LAMC3: variants seen among roughly 807,000 people sequenced by gnomAD.
LAMC3 encodes laminin subunit gamma-3.
Under a neutral mutation model 173.8 loss-of-function variants are expected in LAMC3, and 128 were observed. The ratio of observed to expected loss-of-function variants is 0.74; its 90% CI spans 0.64 to 0.85. The LOEUF is 0.85. Among genes scored for constraint, LAMC3 ranks in the 40% least tolerant of loss-of-function variants. The pLI is 0.00. For synonymous variants in LAMC3, 897 were observed against 909.1 expected (o/e 0.99, Z 0.24); for missense variants, 2,022 against 2,156.0 (o/e 0.94, Z 1.23).
rs1244561734 is a variant in LAMC3 at position 131,075,953 on chromosome 9, A to G, written c.3617A>G (p.Asp1206Gly). 6.2e-7 allele frequency: 1 copy of G among 1,608,422 alleles called. No individual in the cohort carries two copies. The highest frequency in any genetic ancestry group is 1.7e-5 in the Admixed American group (1 of 59,798). The change falls in exon 21 of 28, where the codon GAC becomes GGC. Residue 1206 changes from aspartate to glycine, a missense_variant. Transcript: ENST00000361069. ...EGRVALETQR[D>G]LEDRYQEVQA... ...AGGGTGGCCCTAGAGACCCAGCGGG[A>G]CCTGGAGGACAGGTGAGGCCTCCCC... is the stretch of plus-strand genomic sequence containing the variant.
intron 11 of LAMC3, among the ~76,000 whole-genome samples, chr9:131,055,874 C>T (rs1162550379): frequency 3.9e-5 from 6 of 151,994 alleles, no homozygotes; most frequent in Admixed American, 3.9e-4. Flanking sequence ...AATCCTGTTA[C>T]ATTCATTAGT....
rs1347877753 is a variant in LAMC3, at chr9:131,093,075, C to T, written c.*1288C>T. 1.3e-5 allele frequency: 2 copies of T among 152,352 alleles called. No homozygotes were observed. The highest frequency in any genetic ancestry group is 2.4e-5 in the African/African-American group (1 of 41,444). The allele number at this position is 152,352 out of a possible 1,614,324, so 9.4% of individuals were successfully genotyped here. A position where few individuals can be genotyped will look rare whatever the true frequency, so the allele number is the denominator to read the frequency against. ...TTTCACTGGGCAGGGTGGTGTGCCT[C>T]ACCCTCCCCGGCTGGTGGGCAGCCA... is the stretch of plus-strand genomic sequence containing the variant. On this transcript the variant is annotated 3_prime_UTR_variant, in exon 28 of 28. Coordinates refer to ENST00000361069, the MANE Select transcript of LAMC3 (RefSeq NM_006059.4).
intron 13 of LAMC3, among the ~76,000 whole-genome samples, chr9:131,063,681 G>A (rs902337080): frequency 6.6e-6 from 1 of 152,176 alleles, no homozygotes; most frequent in Admixed American, 6.5e-5. Context: ...TTCCAGAGCT[G>A]CCTCCTGCCC....
intron 13 of LAMC3, among the ~76,000 whole-genome samples, chr9:131,066,152 G>A (rs540477312): frequency 6.7e-5 from 10 of 148,174 alleles, no homozygotes; most frequent in East Asian, 2.0e-4. Flanking sequence ...CCGAAATTGC[G>A]CCCCTGCACT....
chr9:131,019,908 C>T (rs1222035096), intron 1 of LAMC3, among the ~76,000 whole-genome samples: 19 of 152,014 alleles, frequency 1.2e-4, no homozygotes, highest in Admixed American at 5.9e-4. Context: ...GCACCGCCCA[C>T]GCCAAACAGC....
At chr9:131,022,854 A>G (rs746119032) in intron 1 of LAMC3, among the ~76,000 whole-genome samples, 18 of 152,176 alleles carry the variant, frequency 1.2e-4, no homozygotes, top group Non-Finnish European at 2.5e-4. Context: ...CTGGGATGAC[A>G]GGTGTGAGCC....
chr9:131,068,042 A>G lies in LAMC3; in HGVS notation c.2594-36A>G, dbSNP rs531271904. On this transcript the variant is annotated intron_variant, in intron 14 of 27. Transcript: ENST00000361069. ...CCCAAAGTTGGAACAGACAATCTGC[A>G]TTGTTCCCAACACCCCTTCCTGCTC... The G allele has an allele frequency of 9.4e-6, 15 of 1,603,502 alleles. No homozygotes were observed. The East Asian group carries it at 3.1e-4, about 33-fold the overall frequency.
intron 13 of LAMC3, among the ~76,000 whole-genome samples, 188 bp downstream of exon 13, chr9:131,061,411 G>A (rs1414993267): frequency 1.3e-5 from 2 of 152,202 alleles, no homozygotes; most frequent in Admixed American, 6.5e-5. Context: ...AGAGCCCCAG[G>A]CTGCCGCACA....
chr9:131,047,359 G>A (rs1398441205), intron 8 of LAMC3, among the ~76,000 whole-genome samples: 2 of 150,852 alleles, frequency 1.3e-5, no homozygotes, highest in African/African-American at 2.4e-5. Flanking sequence ...CAGGTCGGGG[G>A]TTTCACCATG....
In LAMC3 at chr9:131,045,234, A is replaced by C. The variant is rs11244256; in HGVS notation, c.1383-290A>C. 0.34 allele frequency among the ~76,000 whole-genome samples: 30,333 copies of C among 90,388 alleles called. 3,735 individuals carry two copies. Among genetic ancestry groups the C allele is most frequent in the Non-Finnish European group, 0.45 (17,303 of 38,434 alleles). The allele number at this position is 90,388 out of a possible 152,430, so 59.3% of individuals were successfully genotyped here. A position where few individuals can be genotyped will look rare whatever the true frequency, so the allele number is the denominator to read the frequency against. Reference sequence around the variant, plus strand: ...AAGACTCTGTCTCAAAAAAAAAAAAAAACAACAACAACAAAAAAACAAAAC... The same window carrying C: ...AAGACTCTGTCTCAAAAAAAAAAAACAACAACAACAACAAAAAAACAAAAC... On this transcript the variant is annotated intron_variant, in intron 7 of 27. Coordinates refer to ENST00000361069, the MANE Select transcript of LAMC3 (RefSeq NM_006059.4).
chr9:131,086,400 T>G (rs936897358), intron 25 of LAMC3, among the ~76,000 whole-genome samples: 3 of 149,832 alleles, frequency 2.0e-5, no homozygotes, highest in African/African-American at 4.9e-5. Flanking sequence ...GTTTTGTTTT[T>G]TTTTTTTGCT....
intron 1 of LAMC3, among the ~76,000 whole-genome samples, chr9:131,012,048 A>AACACACACACACAC (rs3837236): frequency 3.7e-4 from 51 of 138,234 alleles, no homozygotes; most frequent in African/African-American, 1.1e-3. Flanking sequence ...GTAGAGAGCG[A>AACACACACACACAC]ACACACACAC....
chr9:131,009,184 G>C lies in LAMC3; in HGVS notation c.-31G>C, dbSNP rs1370271354. The stretch of plus-strand genomic sequence containing the variant: ...GCGCCCACCCTAGCCGAGCGGGGCC[G>C]GCAGAGCGCGCGGCGTCGGTGCCCT... On this transcript the variant is annotated 5_prime_UTR_variant, in exon 1 of 28. Coordinates refer to ENST00000361069, the MANE Select transcript of LAMC3 (RefSeq NM_006059.4). This position sits in a 1 kb window ranked among gnomAD's most constrained non-coding sequence, Gnocchi z 4.3. 48 of 1,180,976 alleles carry C rather than the reference G, an allele frequency of 4.1e-5. No individual in the cohort carries two copies. The highest frequency in any genetic ancestry group is 2.9e-4 in the South Asian group (7 of 24,098). 73.2% of individuals were successfully genotyped at this position (1,180,976 alleles called of 1,614,324 possible). A position where few individuals can be genotyped will look rare whatever the true frequency, so the allele number is the denominator to read the frequency against.
intron 3 of LAMC3, among the ~76,000 whole-genome samples, chr9:131,032,599 G>A (rs372677908): frequency 1.3e-4 from 9 of 70,228 alleles, no homozygotes; most frequent in Non-Finnish European, 1.7e-4. Flanking sequence ...TTTCTCACTC[G>A]CTTTCTCTCT....
At position 131,079,143 on chromosome 9, in the gene LAMC3, C is replaced by T. The variant is rs1359149925; in HGVS notation, c.3778-6C>T. The T allele has an allele frequency of 1.9e-6, 3 of 1,612,726 alleles. No individual in the cohort carries two copies. Among genetic ancestry groups the T allele is most frequent in the Admixed American group, 3.3e-5 (2 of 59,832 alleles). The stretch of plus-strand genomic sequence containing the variant: ...GGCCCTGCCTGAGCGCATTGTCTCC[C>T]TGCAGCCTCAGAAGTCCCGGGCTGA... On this transcript the variant is annotated splice_region_variant and splice_polypyrimidine_tract_variant and intron_variant, in intron 22 of 27. Transcript: ENST00000361069.
chr9:131,027,116 A>G (rs1271542175), intron 2 of LAMC3, among the ~76,000 whole-genome samples: 5 of 152,202 alleles, frequency 3.3e-5, no homozygotes. Flanking sequence ...TACTCAGTGG[A>G]CCAGAGCTGT....
chr9:131,065,059 A>AAAAAAAAG (rs57431746), intron 13 of LAMC3, among the ~76,000 whole-genome samples: 3 of 135,276 alleles, frequency 2.2e-5, no homozygotes, highest in Admixed American at 7.7e-5. Flanking sequence ...AAAAAAAAAA[A>AAAAAAAAG]GAAAAGGAAA....
chr9:131,069,757 C>A lies in LAMC3; in HGVS notation c.2976C>A (p.Tyr992Ter). 1 of 1,598,182 alleles carries A rather than the reference C, an allele frequency of 6.3e-7. No individual in the cohort carries two copies. The highest frequency in any genetic ancestry group is 1.1e-5 in the South Asian group (1 of 88,368). The change falls in exon 17 of 28, where the codon TAC (tyrosine) becomes TAA (stop). Residue 992 changes from tyrosine (Y) to a stop codon, truncating the protein, a stop_gained. Transcript: ENST00000361069. LOFTEE classifies it high-confidence loss of function. ...TCVCRPGFEG[Y>*]KCDRCHDNFF... Reference sequence around the variant, plus strand: ...TGTGCAGGCCTGGCTTCGAGGGCTACAAATGTGACCGCTGCCACGACAACT... The same window carrying A: ...TGTGCAGGCCTGGCTTCGAGGGCTAAAAATGTGACCGCTGCCACGACAACT...
intron 19 of LAMC3, among the ~76,000 whole-genome samples, 196 bp downstream of exon 19, chr9:131,073,031 G>A (rs148888297): frequency 5.9e-5 from 9 of 152,194 alleles, no homozygotes; most frequent in Admixed American, 2.0e-4. Context: ...GGCATGTTCC[G>A]AGGAGACTGA....
Sources: allele counts gnomAD v4.1 joint callset (sites outside exome capture counted in the v4.1 genomes callset), GRCh38; gene constraint gnomAD v4.1.1; non-coding constraint Gnocchi (gnomAD v3.1); transcripts MANE v1.5; gene names NCBI Gene and HGNC (gene_info 2026-07-23, HGNC 2026-07-21).